The following ADAMTS7 variants were observed in gnomAD, a reference collection of about 807,000 sequenced individuals.
ADAMTS7 encodes the protein A disintegrin and metalloproteinase with thrombospondin motifs 7.
ADAMTS7 carries 89 observed loss-of-function variants against 172.6 expected under a neutral mutation model. The observed-to-expected ratio is 0.52, with a 90% CI of 0.43 to 0.61. The LOEUF is 0.61. ADAMTS7 is among the 20% of genes least tolerant of loss of function. The probability of loss-of-function intolerance (pLI) is 0.00; values close to 1 mark genes in which losing one functional copy is unlikely to be tolerated. For missense variants in ADAMTS7, 1,973 were observed against 2,355.6 expected (o/e 0.84, Z 3.36); for synonymous variants, 885 against 978.4 (o/e 0.90, Z 1.78).
At chr15:78,805,010 G>T (rs1223191001) in intron 1 of ADAMTS7, among the ~76,000 whole-genome samples, 1 of 152,220 alleles carries the variant, frequency 6.6e-6, no homozygotes, top group Non-Finnish European at 1.5e-5. Context: ...TACCTGGAGA[G>T]CTCTGAAAAA....
intron 13 of ADAMTS7, among the ~76,000 whole-genome samples, chr15:78,773,420 C>T (rs1201746514): frequency 5.3e-5 from 8 of 151,808 alleles, no homozygotes; most frequent in Non-Finnish European, 1.2e-4. Flanking sequence ...GAGACCCACC[C>T]CTCCCTTAAA....
chr15:78,802,468 T>C (rs965613294), intron 1 of ADAMTS7, among the ~76,000 whole-genome samples: 2 of 152,228 alleles, frequency 1.3e-5, no homozygotes, highest in Admixed American at 6.5e-5. Context: ...CCCTGGCCGC[T>C]AACCACCACT....
Position 78,772,972 on chromosome 15 carries a change from A to G in ADAMTS7, c.2131+111T>C, listed in dbSNP as rs3743062. 19,990 of 1,384,438 alleles carry G rather than the reference A, an allele frequency of 0.014. 915 individuals are homozygous for G. The East Asian group carries it at 0.15, about 10-fold the overall frequency. 85.8% of individuals were successfully genotyped at this position (1,384,438 alleles called of 1,614,324 possible). The stretch of plus-strand genomic sequence containing the variant: ...CCCAGCAAGGCTTCCCTGCTTAGCC[A>G]TCTCCAGGCTGGGTGGGGGCCACGA... On this transcript the variant is annotated intron_variant, in intron 14 of 23. Coordinates refer to ENST00000388820, the MANE Select transcript of ADAMTS7 (RefSeq NM_014272.5).
At chr15:78,765,220 T>A (rs2055120042) in intron 19 of ADAMTS7, 1 of 243,928 alleles carries the variant, frequency 4.1e-6, no homozygotes, top group African/African-American at 2.3e-5. Context: ...AGCTTCTTTC[T>A]GGCAGCTCAG....
chr15:78,806,724 G>A (rs546180846), intron 1 of ADAMTS7, among the ~76,000 whole-genome samples: 4 of 152,230 alleles, frequency 2.6e-5, no homozygotes, highest in African/African-American at 4.8e-5. Flanking sequence ...ATCACAGTTC[G>A]TGGAGGCTAC....
At chr15:78,773,270 G>A in intron 13 of ADAMTS7, 67 bp from the exon 14 acceptor site, 1 of 1,364,004 alleles carries the variant, frequency 7.3e-7, no homozygotes, top group South Asian at 1.3e-5. Flanking sequence ...CAGCCCCGGG[G>A]CCAGCCAGAG....
At chr15:78,779,788 G>A in intron 8 of ADAMTS7, among the ~76,000 whole-genome samples, 1 of 152,098 alleles carries the variant, frequency 6.6e-6, no homozygotes, top group East Asian at 1.9e-4. Flanking sequence ...AGCACCAACA[G>A]TCCCTGGGCT....
At chr15:78,764,516 T>A (rs1381012492) in intron 20 of ADAMTS7, 39 bp downstream of exon 20, 3 of 1,523,348 alleles carry the variant, frequency 2.0e-6, no homozygotes, top group Non-Finnish European at 2.6e-6. Context: ...CTCCACCCCA[T>A]GCCCTGGGAA....
chr15:78,798,649 C>A (rs1044249633), intron 2 of ADAMTS7, among the ~76,000 whole-genome samples: 2 of 152,188 alleles, frequency 1.3e-5, no homozygotes, highest in African/African-American at 2.4e-5. Flanking sequence ...CACCAGGACA[C>A]CCTGTTCTCT....
At chr15:78,786,555 A>G (rs1250893946) in intron 8 of ADAMTS7, among the ~76,000 whole-genome samples, 1 of 152,150 alleles carries the variant, frequency 6.6e-6, no homozygotes, top group Non-Finnish European at 1.5e-5. Flanking sequence ...ACCCATGTTA[A>G]CACCCCTGTA....
chr15:78,780,743 C>T (rs1287131966), intron 8 of ADAMTS7, among the ~76,000 whole-genome samples: 2 of 152,260 alleles, frequency 1.3e-5, no homozygotes, highest in African/African-American at 4.8e-5. Flanking sequence ...GGCCTCTGCC[C>T]AGCCTGCCCT....
chr15:78,778,346 A>T (rs2055382673), intron 8 of ADAMTS7, among the ~76,000 whole-genome samples: 1 of 152,254 alleles, frequency 6.6e-6, no homozygotes, highest in Non-Finnish European at 1.5e-5. Context: ...AGGGCGGCCC[A>T]GTCCCTTCTG....
At chr15:78,799,954 A>G (rs1162656199) in intron 2 of ADAMTS7, among the ~76,000 whole-genome samples, 1 of 151,646 alleles carries the variant, frequency 6.6e-6, no homozygotes, top group African/African-American at 2.4e-5. Flanking sequence ...AGCCTCCCAA[A>G]TAGCTGGGAC....
chr15:78,771,438 A>G lies in ADAMTS7; in HGVS notation c.2377-135T>C. The G allele has an allele frequency of 6.5e-7, 1 of 1,538,964 alleles. No homozygotes were observed. Among genetic ancestry groups the G allele is most frequent in the Non-Finnish European group, 8.8e-7 (1 of 1,139,364 alleles). ...ATTTTAAAGATGGGGAAACTGAGGT[A>G]GAGGCCGCAGCAGGAGGGCCTGGCT... On this transcript the variant is annotated intron_variant, in intron 15 of 23. Coordinates refer to ENST00000388820, the MANE Select transcript of ADAMTS7 (RefSeq NM_014272.5). The surrounding 1 kb of genome is among the most constrained non-coding windows in gnomAD (Gnocchi z 4.9).
chr15:78,768,801 G>A (rs575116754), intron 16 of ADAMTS7, among the ~76,000 whole-genome samples: 20 of 152,186 alleles, frequency 1.3e-4, no homozygotes, highest in Middle Eastern at 3.2e-3. Context: ...CACATCCAGG[G>A]ACCCAAAGAG....
chr15:78,805,327 A>G (rs1441553883), intron 1 of ADAMTS7, among the ~76,000 whole-genome samples: 3 of 152,240 alleles, frequency 2.0e-5, no homozygotes, highest in African/African-American at 7.2e-5. Flanking sequence ...GTTTTAGTCA[A>G]TTGCCAATGT....
rs190810131 is a variant in ADAMTS7 at position 78,772,373 on chromosome 15, A to G, written c.2132-544T>C. ...TCCTGCTGCGGTATGAGCAGCCTCC[A>G]TGGCCAGTGCTTTATCCACCACACT... is the stretch of plus-strand genomic sequence containing the variant. On this transcript the variant is annotated intron_variant, in intron 14 of 23. Coordinates refer to ENST00000388820, the MANE Select transcript of ADAMTS7 (RefSeq NM_014272.5). 3.1e-4 allele frequency among the ~76,000 whole-genome samples: 47 copies of G among 152,352 alleles called. No individual in the cohort carries two copies. The East Asian group carries it at 7.7e-3, about 25-fold the overall frequency.
chr15:78,794,788 G>C (rs1276604911), intron 4 of ADAMTS7, among the ~76,000 whole-genome samples: 1 of 152,198 alleles, frequency 6.6e-6, no homozygotes, highest in Non-Finnish European at 1.5e-5. Context: ...CACGATCTCA[G>C]CTCACTGCAA....
In ADAMTS7 at chr15:78,771,394, G is replaced by T; in HGVS notation, c.2377-91C>A. The T allele has an allele frequency of 6.3e-7, 1 of 1,589,670 alleles. No homozygotes were observed. The highest frequency in any genetic ancestry group is 8.6e-7 in the Non-Finnish European group (1 of 1,166,180). On this transcript the variant is annotated intron_variant, in intron 15 of 23. Transcript: ENST00000388820. This position sits in a 1 kb window ranked among gnomAD's most constrained non-coding sequence, Gnocchi z 4.9. ...CTGACCCCAGCCACCTCTGTGAACTGCAGCTACAAGATTGGGCCATTTTAA... is the reference window on the plus strand; with the variant it reads ...CTGACCCCAGCCACCTCTGTGAACTTCAGCTACAAGATTGGGCCATTTTAA...
Sources: gnomAD v4.1 joint callset for allele counts (sites outside exome capture counted in the v4.1 genomes callset) on GRCh38, gnomAD v4.1.1 for gene constraint, Gnocchi (gnomAD v3.1) non-coding constraint, MANE v1.5 for transcripts, NCBI Gene and HGNC (gene_info 2026-07-23, HGNC 2026-07-21) for gene names.